Variants in PEX7 observed in about 807,000 individuals in gnomAD.
PEX7 encodes the protein peroxisomal biogenesis factor 7, also known as PTS2 receptor.
Under a neutral mutation model 47.5 loss-of-function variants are expected in PEX7, and 34 were observed. The ratio of observed to expected loss-of-function variants is 0.72; its 90% CI spans 0.54 to 0.95. The LOEUF (loss-of-function observed/expected upper bound fraction) is 0.95, where lower values mean the gene tolerates loss of function less well. Among genes scored for constraint, PEX7 ranks in the 40% least tolerant of loss-of-function variants. The pLI is 0.00. For synonymous variants in PEX7, 141 were observed against 148.8 expected (o/e 0.95, Z 0.38); for missense variants, 394 against 400.3 (o/e 0.98, Z 0.13).
At chr6:136,898,336 T>C (rs1025450650) in intron 9 of PEX7, 95 bp downstream of exon 9, 1 of 809,136 alleles carries the variant, frequency 1.2e-6, no homozygotes, top group Non-Finnish European at 2.2e-6. Flanking sequence ...TTGTTGCCAT[T>C]TTAGCTATAT....
chr6:136,837,825 C>A (rs1371834854), intron 3 of PEX7, among the ~76,000 whole-genome samples: 1 of 151,778 alleles, frequency 6.6e-6, no homozygotes, highest in African/African-American at 2.4e-5. Flanking sequence ...CACACACACA[C>A]ACACACACAC....
At chr6:136,874,465 G>T (rs564581453) in intron 8 of PEX7, among the ~76,000 whole-genome samples, 3 of 151,754 alleles carry the variant, frequency 2.0e-5, no homozygotes, top group South Asian at 2.1e-4. Flanking sequence ...TGAGGTTAAG[G>T]GTTCAAGACC....
chr6:136,857,987 TG>T (rs1774891648), intron 5 of PEX7, among the ~76,000 whole-genome samples: 1 of 152,176 alleles, frequency 6.6e-6, no homozygotes, highest in South Asian at 2.1e-4. Context: ...AGCTAATTTT[TG>T]TATTTTTGGT....
At position 136,885,812 on chromosome 6, in the gene PEX7, A is replaced by G. The variant is rs184298418; in HGVS notation, c.804-12330A>G. On this transcript the variant is annotated intron_variant, in intron 8 of 9. Transcript: ENST00000318471. The stretch of plus-strand genomic sequence containing the variant: ...ATTATGGGTTGGCACATTCCCAGGT[A>G]ACATAGTAGGACCACAGACTTTGGA... Among the ~76,000 whole-genome samples the G allele has an allele frequency of 1.1e-3, 164 of 152,272 alleles. 1 individual carries two copies. The highest frequency in any genetic ancestry group is 4.6e-3 in the South Asian group (22 of 4,812).
chr6:136,862,080 T>G (rs993721355), intron 5 of PEX7, among the ~76,000 whole-genome samples: 7 of 145,154 alleles, frequency 4.8e-5, no homozygotes, highest in Non-Finnish European at 9.0e-5. Flanking sequence ...AGTTTTTTTT[T>G]TGGGGGGACA....
intron 8 of PEX7, among the ~76,000 whole-genome samples, chr6:136,897,460 A>G (rs1445924108): frequency 6.6e-6 from 1 of 152,316 alleles, no homozygotes; most frequent in Admixed American, 6.5e-5. Context: ...GATTATGGTA[A>G]ATATTACCAC....
intron 3 of PEX7, chr6:136,830,108 C>A: frequency 1.5e-6 from 1 of 689,516 alleles, no homozygotes; most frequent in Non-Finnish European, 2.7e-6. Flanking sequence ...TGGTTTTAGT[C>A]AATCTTGGAT....
At chr6:136,870,794 T>C in intron 7 of PEX7, 1 of 401,934 alleles carries the variant, frequency 2.5e-6, no homozygotes, top group Non-Finnish European at 5.0e-6. Context: ...CCTTCTGGGT[T>C]CAAGCTGTTC....
intron 5 of PEX7, among the ~76,000 whole-genome samples, chr6:136,855,093 A>C (rs913352073): frequency 6.6e-6 from 1 of 152,128 alleles, no homozygotes; most frequent in Non-Finnish European, 1.5e-5. Flanking sequence ...CTCAAAAAAA[A>C]AAAAAGGAAC....
In PEX7 at chr6:136,911,728, C is replaced by T. The variant is rs767955996; in HGVS notation, c.904-1730C>T. ...AGCCTTGTTTTCGATTTTTTGCTATCGTGAATGAAGTTGCTATGAACATTC... is the reference window on the plus strand; with the variant it reads ...AGCCTTGTTTTCGATTTTTTGCTATTGTGAATGAAGTTGCTATGAACATTC... On this transcript the variant is annotated intron_variant, in intron 9 of 9. Transcript: ENST00000318471. Among the ~76,000 whole-genome samples the T allele has an allele frequency of 3.9e-5, 6 of 152,082 alleles. 1 individual carries two copies. The East Asian group carries it at 9.6e-4, about 24-fold the overall frequency.
chr6:136,842,737 A>G (rs542055237), intron 3 of PEX7, among the ~76,000 whole-genome samples: 16 of 152,362 alleles, frequency 1.1e-4, no homozygotes, highest in Admixed American at 4.6e-4. Context: ...GGAGTCTCCA[A>G]AATCTAGCAG....
At chr6:136,853,979 G>A (rs1269850555) in intron 5 of PEX7, among the ~76,000 whole-genome samples, 1 of 151,872 alleles carries the variant, frequency 6.6e-6, no homozygotes, top group African/African-American at 2.4e-5. Flanking sequence ...AATATATGAA[G>A]TCTTTTGGGA....
intron 3 of PEX7, among the ~76,000 whole-genome samples, chr6:136,836,368 G>T (rs1774385018): frequency 6.6e-6 from 1 of 151,876 alleles, no homozygotes; most frequent in Non-Finnish European, 1.5e-5. Flanking sequence ...TGAAAGAGGG[G>T]GTAAGGTAGA....
intron 8 of PEX7, 33 bp from the exon 9 acceptor site, chr6:136,898,109 A>G: frequency 1.6e-6 from 2 of 1,272,860 alleles, no homozygotes; most frequent in Non-Finnish European, 2.3e-6. Context: ...TAGTTTTAGC[A>G]TTTAAATTAT....
chr6:136,888,058 A>G (rs1426242937), intron 8 of PEX7, among the ~76,000 whole-genome samples: 1 of 152,046 alleles, frequency 6.6e-6, no homozygotes, highest in Non-Finnish European at 1.5e-5. Flanking sequence ...CCACAGGCAG[A>G]TACTTCTCTT....
chr6:136,826,479 A>G lies in PEX7; in HGVS notation c.339+10A>G, dbSNP rs374668045. On this transcript the variant is annotated intron_variant, in intron 3 of 9. Coordinates refer to ENST00000318471, the MANE Select transcript of PEX7 (RefSeq NM_000288.4). ...AGAACACGCTCAGGAGGTAGGAGGG[A>G]AATCTTTCTGGGCTGATTATTTTTC... The G allele has an allele frequency of 1.2e-4, 198 of 1,613,872 alleles. No individual in the cohort carries two copies. In the African/African-American group the frequency reaches 2.5e-3, roughly 20 times the overall value.
intron 3 of PEX7, among the ~76,000 whole-genome samples, chr6:136,831,838 C>T (rs1562728332): frequency 6.6e-6 from 1 of 152,248 alleles, no homozygotes; most frequent in Non-Finnish European, 1.5e-5. Context: ...TGGCCTTGGG[C>T]AGCTCTACCC....
chr6:136,889,883 T>A (rs1775525664), intron 8 of PEX7, among the ~76,000 whole-genome samples: 1 of 152,218 alleles, frequency 6.6e-6, no homozygotes, highest in Non-Finnish European at 1.5e-5. Context: ...CCTTGTAGAA[T>A]TAGTTGACTC....
chr6:136,846,779 T>C (rs537757441), intron 5 of PEX7, among the ~76,000 whole-genome samples: 4 of 152,348 alleles, frequency 2.6e-5, no homozygotes, highest in African/African-American at 9.6e-5. Flanking sequence ...GTCTTTGTTA[T>C]TGTGCATAGC....
Sources: gnomAD v4.1 joint callset for allele counts (sites outside exome capture counted in the v4.1 genomes callset) on GRCh38, gnomAD v4.1.1 for gene constraint, MANE v1.5 for transcripts, NCBI Gene and HGNC (gene_info 2026-07-23, HGNC 2026-07-21) for gene names.